The following ERCC6L2 variants were observed in gnomAD, a reference collection of about 807,000 sequenced individuals.
ERCC6L2 encodes ERCC excision repair 6 like 2.
In ERCC6L2, 77 loss-of-function variants were observed where a neutral mutation model predicts 132.0. That is an observed-to-expected ratio of 0.58 (90% confidence interval 0.49 to 0.71). ERCC6L2 has a LOEUF of 0.71. Ranked by LOEUF, ERCC6L2 falls within the 30% of genes least tolerant of loss-of-function variation. The pLI, the probability that ERCC6L2 is intolerant of heterozygous loss-of-function variation, is 0.00. For synonymous variants in ERCC6L2, 583 were observed against 632.4 expected, an observed-to-expected ratio of 0.92 and a Z score of 1.17; for missense variants, 1,542 against 1,837.6, an observed-to-expected ratio of 0.84 and a Z score of 2.94.
At chr9:95,932,830 T>C (rs1830397951) in intron 11 of ERCC6L2, among the ~76,000 whole-genome samples, 1 of 152,184 alleles carries the variant, frequency 6.6e-6, no homozygotes, top group Admixed American at 6.5e-5. Context: ...TGCATACTCA[T>C]TAAGTGTCTC....
chr9:95,898,093 G>C (rs1003791891), intron 3 of ERCC6L2, 122 bp downstream of exon 3: 1 of 902,178 alleles, frequency 1.1e-6, no homozygotes, highest in African/African-American at 1.8e-5. Context: ...AGAATTTAAA[G>C]ATGTTATTAA....
rs748089126 is a variant in ERCC6L2 at position 96,012,815 on chromosome 9, A to G, written c.4265A>G (p.Asn1422Ser). Residue 1422 changes from asparagine (N) to serine (S), a missense_variant, in exon 19 of 19, where the codon AAC becomes AGC. Asn to Ser is a conservative substitution (Grantham distance 46). Around this residue, in one of 4 missense-constraint regions of ERCC6L2, gnomAD observed 442 missense variants for 583.4 expected, o/e 0.76. Transcript: ENST00000653738. ...AAAGAACCCCTTCTCAAATTGGAAA[A>G]CAAAAAGATAGAAAATCCAGTGCTG... ...SRKEPLLKLE[N>S]KKIENPVLEN... 1.5e-6 allele frequency: 2 copies of G among 1,367,580 alleles called. No individual in the cohort carries two copies. Among genetic ancestry groups the G allele is most frequent in the Non-Finnish European group, 2.0e-6 (2 of 1,021,842 alleles). The allele number at this position is 1,367,580 out of a possible 1,614,324, so 84.7% of individuals were successfully genotyped here. A position where few individuals can be genotyped will look rare whatever the true frequency, so the allele number is the denominator to read the frequency against.
intron 6 of ERCC6L2, chr9:95,918,220 G>T: frequency 2.2e-6 from 1 of 463,296 alleles, no homozygotes. Context: ...GATGAGACAA[G>T]CTGAGATTAA....
At chr9:95,943,744 A>G (rs565481887) in intron 12 of ERCC6L2, among the ~76,000 whole-genome samples, 12 of 152,356 alleles carry the variant, frequency 7.9e-5, no homozygotes, top group Admixed American at 6.5e-4. Flanking sequence ...CATTAAGCAC[A>G]TGAAGAGATG....
intron 3 of ERCC6L2, 47 bp from the exon 4 acceptor site, chr9:95,907,030 CT>C: frequency 7.3e-7 from 1 of 1,368,142 alleles, no homozygotes. Context: ...CTTTGGGATT[CT>C]TTTTCAGTTT....
At chr9:95,883,423 G>C (rs576746718) in intron 2 of ERCC6L2, among the ~76,000 whole-genome samples, 3 of 152,300 alleles carry the variant, frequency 2.0e-5, no homozygotes, top group Non-Finnish European at 4.4e-5. Context: ...CTGTGACCAA[G>C]ATTACAGATG....
At chr9:95,916,530 A>G (rs1244906698) in intron 6 of ERCC6L2, 96 bp downstream of exon 6, 7 of 1,041,850 alleles carry the variant, frequency 6.7e-6, no homozygotes, top group Non-Finnish European at 9.3e-6. Context: ...TTGTAAATAC[A>G]GTTTTTTGCC....
At chr9:96,034,484 G>C (rs1446731985) in intron 19 of ERCC6L2, among the ~76,000 whole-genome samples, 2 of 152,212 alleles carry the variant, frequency 1.3e-5, no homozygotes, top group Admixed American at 6.5e-5. Flanking sequence ...AAGGAGGCTG[G>C]TGTGGAATGA....
At chr9:95,942,685 AATC>A (rs1363513787) in intron 12 of ERCC6L2, among the ~76,000 whole-genome samples, 1 of 152,156 alleles carries the variant, frequency 6.6e-6, no homozygotes, top group Non-Finnish European at 1.5e-5. Context: ...AAATCCCAGA[AATC>A]ATCATCTGTG....
At position 95,915,748 on chromosome 9, in the gene ERCC6L2, C is replaced by T. The variant is rs773122901; in HGVS notation, c.869C>T (p.Ala290Val). The T allele has an allele frequency of 5.0e-6, 8 of 1,613,922 alleles. No homozygotes were observed. Among genetic ancestry groups the T allele is most frequent in the Non-Finnish European group, 3.4e-6 (4 of 1,179,892 alleles). Reference sequence around the variant, plus strand: ...GCTAGAGTAACAGAAGTTATGAAAGCTTTGAAATGTAATGTCCGCATTGGC... The same window carrying T: ...GCTAGAGTAACAGAAGTTATGAAAGTTTTGAAATGTAATGTCCGCATTGGC... ...PKARVTEVMK[A>V]LKCNVRIGLT... The change falls in exon 5 of 19, where the codon GCT (alanine) becomes GTT (valine). Residue 290 changes from alanine (A) to valine (V), a missense_variant. Physicochemically the swap from Ala to Val is moderately conservative, Grantham distance 64. Around this residue, in one of 4 missense-constraint regions of ERCC6L2, gnomAD observed 945 missense variants for 1,105.2 expected, o/e 0.86. Transcript: ENST00000653738.
rs1333274476 is a variant in ERCC6L2 at position 95,901,634 on chromosome 9, T to C, written c.594+3663T>C. Among the ~76,000 whole-genome samples the C allele has an allele frequency of 2.6e-5, 4 of 152,206 alleles. No homozygotes were observed. In the East Asian group the frequency reaches 7.7e-4, roughly 29 times the overall value. ...TTTGCTTTCAGAGGTGTAGGGCGGATTGCTCAGTTCTTCAGGTGTGCCAGT... is the reference window on the plus strand; with the variant it reads ...TTTGCTTTCAGAGGTGTAGGGCGGACTGCTCAGTTCTTCAGGTGTGCCAGT... On this transcript the variant is annotated intron_variant, in intron 3 of 18. Coordinates refer to ENST00000653738, the MANE Select transcript of ERCC6L2 (RefSeq NM_020207.7).
chr9:95,972,839 A>G lies in ERCC6L2; in HGVS notation c.3088A>G (p.Asn1030Asp). 1 of 1,305,118 alleles carries G rather than the reference A, an allele frequency of 7.7e-7. No homozygotes were observed. Among genetic ancestry groups the G allele is most frequent in the Non-Finnish European group, 1.0e-6 (1 of 988,920 alleles). The allele number at this position is 1,305,118 out of a possible 1,614,324, so 80.8% of individuals were successfully genotyped here. ...MNKTNQVYAA[N>D]EDHNSQFIDD... ...CAAAACAAACCAAGTGTATGCAGCA[A>G]ATGAGGATCATAACTCTCAGTTTAT... Residue 1030 changes from asparagine to aspartate, a missense_variant, in exon 16 of 19, where the codon AAT becomes GAT. This residue lies in a region of ERCC6L2 where 945 missense variants were observed against 1,105.2 expected (regional missense o/e 0.86). Coordinates refer to ENST00000653738, the MANE Select transcript of ERCC6L2 (RefSeq NM_020207.7).
At chr9:95,880,151 C>G (rs575764406) in intron 1 of ERCC6L2, among the ~76,000 whole-genome samples, 1 of 152,184 alleles carries the variant, frequency 6.6e-6, no homozygotes, top group South Asian at 2.1e-4. Flanking sequence ...GAATTCATCT[C>G]TTAAAGTAAA....
chr9:96,009,609 G>C (rs947071233), intron 18 of ERCC6L2, among the ~76,000 whole-genome samples: 1 of 152,146 alleles, frequency 6.6e-6, no homozygotes, highest in African/African-American at 2.4e-5. Flanking sequence ...CCCTAAGTGG[G>C]TTATGGAAGT....
intron 17 of ERCC6L2, among the ~76,000 whole-genome samples, chr9:95,999,915 A>G (rs1317873847): frequency 6.7e-6 from 1 of 149,186 alleles, no homozygotes; most frequent in Non-Finnish European, 1.5e-5. Context: ...TTTTTGAGAC[A>G]GTCTCACTCC....
intron 6 of ERCC6L2, among the ~76,000 whole-genome samples, chr9:95,917,644 A>G (rs2132717693): frequency 6.6e-6 from 1 of 152,340 alleles, no homozygotes; most frequent in South Asian, 2.1e-4. Flanking sequence ...TCTGTCTAGT[A>G]GGAACAGTAC....
Position 95,916,235 on chromosome 9 carries a change from C to G in ERCC6L2, c.959C>G (p.Pro320Arg). 6.2e-7 allele frequency: 1 copy of G among 1,613,944 alleles called. No homozygotes were observed. Among genetic ancestry groups the G allele is most frequent in the South Asian group, 1.1e-5 (1 of 91,054 alleles). Residue 320 changes from proline to arginine, a missense_variant, in exon 6 of 19, where the codon CCA becomes CGA. Pro to Arg is a moderately radical substitution (Grantham distance 103, BLOSUM62 -2). Transcript: ENST00000653738. ...TTATTGTCTTTATAAAGGGCTGTGC[C>G]AGGCCTTTTAGGGAGTGGGACCTAC... The part of the protein sequence containing the change: ...ELWCVMDWAV[P>R]GLLGSGTYFK...
chr9:95,894,037 C>G (rs1423548899), intron 2 of ERCC6L2, among the ~76,000 whole-genome samples: 1 of 152,148 alleles, frequency 6.6e-6, no homozygotes, highest in Non-Finnish European at 1.5e-5. Context: ...GTTGAAAACA[C>G]ATTTAATACA....
At chr9:96,004,783 G>C in intron 18 of ERCC6L2, 82 bp downstream of exon 18, 1 of 894,946 alleles carries the variant, frequency 1.1e-6, no homozygotes, top group Non-Finnish European at 1.6e-6. Flanking sequence ...GTAAATACTT[G>C]AATTATAACC....
Sources: allele counts gnomAD v4.1 joint callset (sites outside exome capture counted in the v4.1 genomes callset), GRCh38; gene constraint gnomAD v4.1.1; regional missense constraint gnomAD v4.1.1; transcripts MANE v1.5; gene names NCBI Gene and HGNC (gene_info 2026-07-23, HGNC 2026-07-21).